UTRN: variants seen among roughly 807,000 people sequenced by gnomAD.
The protein encoded by UTRN is utrophin.
UTRN carries 283 observed loss-of-function variants against 463.9 expected under a neutral mutation model. The ratio of observed to expected loss-of-function variants is 0.61; its 90% CI spans 0.55 to 0.67. The LOEUF (loss-of-function observed/expected upper bound fraction) is 0.67. Among genes scored for constraint, UTRN ranks in the 30% least tolerant of loss-of-function variants. The probability of loss-of-function intolerance (pLI) is 0.00; values close to 1 mark genes in which losing one functional copy is unlikely to be tolerated. For synonymous variants in UTRN, 1,442 were observed against 1,431.5 expected (o/e 1.01, Z -0.17); for missense variants, 3,922 against 4,084.3 (o/e 0.96, Z 1.08).
At chr6:144,292,011 A>G (rs1231163414) in intron 2 of UTRN, 104 bp downstream of exon 2, 1 of 1,108,004 alleles carries the variant, frequency 9.0e-7, no homozygotes, top group East Asian at 2.8e-5. Flanking sequence ...CTTGGAGGTG[A>G]AGTTCTTTTA....
Position 144,774,344 on chromosome 6 carries a change from G to A in UTRN, c.8612G>A (p.Arg2871Lys), listed in dbSNP as rs1265305207. ...TACCGTACAGCAATCAAAATCCGAA[G>A]ACTACAAAAAGCACTATGTTGTGAG... The part of the protein sequence containing the change: ...SAYRTAIKIR[R>K]LQKALCLDLL... Residue 2871 changes from arginine to lysine, a missense_variant, in exon 60 of 75, where the codon AGA becomes AAA. Coordinates refer to ENST00000367545, the MANE Select transcript of UTRN (RefSeq NM_007124.3). The A allele has an allele frequency of 6.2e-7, 1 of 1,600,632 alleles. No homozygotes were observed. The highest frequency in any genetic ancestry group is 1.1e-5 in the South Asian group (1 of 87,492).
Position 144,462,797 on chromosome 6 carries a change from G to A in UTRN, c.2997G>A (p.Lys999=), listed in dbSNP as rs566557212. The change falls in exon 23 of 75, where the codon AAG becomes AAA. Residue 999 remains lysine, a synonymous_variant. Coordinates refer to ENST00000367545, the MANE Select transcript of UTRN (RefSeq NM_007124.3). ...ATGATGTGCAAGGAAAGTGGAACAA[G>A]CTAAAGGTCTTGGTTTCCAAAGATC... The part of the protein sequence containing the change: ...EFDDVQGKWN[K]LKVLVSKDLH... 1.1e-5 allele frequency: 17 copies of A among 1,611,056 alleles called. No homozygotes were observed. In the South Asian group the frequency reaches 1.4e-4, roughly 14 times the overall value.
chr6:144,331,957 T>G (rs1299099824), intron 2 of UTRN, among the ~76,000 whole-genome samples: 2 of 152,222 alleles, frequency 1.3e-5, no homozygotes, highest in African/African-American at 4.8e-5. Flanking sequence ...TGCACCTCCT[T>G]GCTCACTGTC....
At chr6:144,659,972 G>T (rs1779700308) in intron 51 of UTRN, 1 of 295,374 alleles carries the variant, frequency 3.4e-6, no homozygotes, top group East Asian at 7.8e-5. Context: ...ACAGCTACCA[G>T]GAAATACAGA....
chr6:144,347,837 GTT>G (rs560581181), intron 2 of UTRN, among the ~76,000 whole-genome samples: 1 of 128,894 alleles, frequency 7.8e-6, no homozygotes, highest in African/African-American at 3.4e-5. Flanking sequence ...CTTATTCTTT[GTT>G]TTTTTTTTTT....
chr6:144,433,711 C>T (rs1355389886), intron 9 of UTRN, among the ~76,000 whole-genome samples: 7 of 151,210 alleles, frequency 4.6e-5, no homozygotes, highest in African/African-American at 1.5e-4. Flanking sequence ...GATGGGGTGG[C>T]GGGGCAGAGG....
chr6:144,708,349 T>A (rs758622721), intron 53 of UTRN: 12 of 663,382 alleles, frequency 1.8e-5, no homozygotes, highest in Admixed American at 3.7e-5. Context: ...GTCCCAAAAC[T>A]GAATCGATAA....
At chr6:144,482,098 C>T in intron 26 of UTRN, 111 bp from the exon 27 acceptor site, 1 of 913,828 alleles carries the variant, frequency 1.1e-6, no homozygotes, top group South Asian at 3.3e-5. Context: ...CAGTTAGAAT[C>T]ATCCAGATGT....
intron 2 of UTRN, among the ~76,000 whole-genome samples, chr6:144,320,404 T>C (rs1202122799): frequency 1.3e-5 from 2 of 152,166 alleles, no homozygotes; most frequent in African/African-American, 4.8e-5. Context: ...AGAGGGGCCG[T>C]CTCCCAATCC....
Position 144,360,955 on chromosome 6 carries a change from ATT to A in UTRN, c.80-42167_80-42166del, listed in dbSNP as rs548286455. Reference sequence around the variant, plus strand: ...CTTGGGGGAAGGACCAAACTAAGATATTATTAGCCAACTTTTCTTTTGACTTT... The same window carrying A: ...CTTGGGGGAAGGACCAAACTAAGATAATTAGCCAACTTTTCTTTTGACTTT... On this transcript the variant is annotated intron_variant, in intron 2 of 74. Transcript: ENST00000367545. 9.4e-3 allele frequency among the ~76,000 whole-genome samples: 1,434 copies of A among 152,306 alleles called. 21 individuals carry two copies. The highest frequency in any genetic ancestry group is 0.033 in the African/African-American group (1,371 of 41,556).
At chr6:144,413,496 C>A (rs908211535) in intron 3 of UTRN, among the ~76,000 whole-genome samples, 1 of 152,184 alleles carries the variant, frequency 6.6e-6, no homozygotes, top group African/African-American at 2.4e-5. Flanking sequence ...ACCATAAGAT[C>A]TCATGAGACT....
At position 144,433,592 on chromosome 6, in the gene UTRN, G is replaced by A. The variant is rs535904707; in HGVS notation, c.856-2343G>A. 3.3e-5 allele frequency among the ~76,000 whole-genome samples: 5 copies of A among 150,586 alleles called. No homozygotes were observed. In the East Asian group the frequency reaches 6.0e-4, roughly 18 times the overall value. On this transcript the variant is annotated intron_variant, in intron 9 of 74. Coordinates refer to ENST00000367545, the MANE Select transcript of UTRN (RefSeq NM_007124.3). ...GGGCTCCTCCCTTCTCAGATGGGGC[G>A]GTTGCCAGGCAGAGGGTCTCCTCAC...
In UTRN at chr6:144,793,955, T is replaced by C. The variant is rs1776988508; in HGVS notation, c.9042T>C (p.Ser3014=). Residue 3014 remains serine, a synonymous_variant, in exon 63 of 75, where the codon AGT becomes AGC. Coordinates refer to ENST00000367545, the MANE Select transcript of UTRN (RefSeq NM_007124.3). ...QLGEVAAFGG[S]NIEPSVRSCF... Reference sequence around the variant, plus strand: ...GTGAAGTAGCAGCTTTTGGAGGCAGTAATATTGAGCCTAGTGTTCGCAGCT... The same window carrying C: ...GTGAAGTAGCAGCTTTTGGAGGCAGCAATATTGAGCCTAGTGTTCGCAGCT... 6.2e-7 allele frequency: 1 copy of C among 1,613,894 alleles called. No homozygotes were observed. The highest frequency in any genetic ancestry group is 1.7e-5 in the Admixed American group (1 of 59,986).
chr6:144,596,457 A>G (rs1803655631), intron 51 of UTRN, among the ~76,000 whole-genome samples: 1 of 152,196 alleles, frequency 6.6e-6, no homozygotes, highest in African/African-American at 2.4e-5. Flanking sequence ...CAGAAGCTTA[A>G]AAGAGTTAAT....
At chr6:144,596,441 A>G (rs915757559) in intron 51 of UTRN, among the ~76,000 whole-genome samples, 2 of 152,184 alleles carry the variant, frequency 1.3e-5, no homozygotes, top group African/African-American at 2.4e-5. Context: ...TTTCAAGATC[A>G]GGAGACAGAA....
intron 60 of UTRN, among the ~76,000 whole-genome samples, chr6:144,778,780 G>A (rs1184674900): frequency 6.6e-6 from 1 of 151,870 alleles, no homozygotes; most frequent in African/African-American, 2.4e-5. Context: ...TTGTATGTGG[G>A]ATTAAAGAAA....
chr6:144,725,089 G>T (rs951023775), intron 53 of UTRN, among the ~76,000 whole-genome samples: 2 of 152,158 alleles, frequency 1.3e-5, no homozygotes, highest in African/African-American at 4.8e-5. Context: ...AATAATCCCC[G>T]CATGTCATGG....
chr6:144,337,209 C>T (rs1776803758), intron 2 of UTRN, among the ~76,000 whole-genome samples: 1 of 150,696 alleles, frequency 6.6e-6, no homozygotes, highest in Admixed American at 6.6e-5. Flanking sequence ...CACACACACA[C>T]ACACACACAC....
intron 1 of UTRN, among the ~76,000 whole-genome samples, chr6:144,289,379 C>T (rs2114503958): frequency 6.6e-6 from 1 of 152,292 alleles, no homozygotes; most frequent in East Asian, 1.9e-4. Flanking sequence ...TTTCTATCTA[C>T]TCTTGTTTAG....
Sources: gnomAD v4.1 joint callset for allele counts (sites outside exome capture counted in the v4.1 genomes callset) on GRCh38, gnomAD v4.1.1 for gene constraint, MANE v1.5 for transcripts, NCBI Gene and HGNC (gene_info 2026-07-23, HGNC 2026-07-21) for gene names.